The following SIL1 variants were observed in gnomAD, a reference collection of about 807,000 sequenced individuals.
The protein encoded by SIL1 is nucleotide exchange factor SIL1.
SIL1 carries 40 observed loss-of-function variants against 49.1 expected under a neutral mutation model. That is an observed-to-expected ratio of 0.81 (90% CI 0.63 to 1.06). The LOEUF (loss-of-function observed/expected upper bound fraction) is 1.06, where lower values mean the gene tolerates loss of function less well. Ranked by LOEUF, SIL1 falls within the 50% of genes least tolerant of loss-of-function variation. The pLI, the probability that SIL1 is intolerant of heterozygous loss-of-function variation, is 0.00. For synonymous variants in SIL1, 253 were observed against 250.8 expected (o/e 1.01, Z -0.08); for missense variants, 500 against 572.6 (o/e 0.87, Z 1.29).
intron 3 of SIL1, among the ~76,000 whole-genome samples, chr5:139,107,145 T>A (rs1770731924): frequency 6.6e-6 from 1 of 152,156 alleles, no homozygotes; most frequent in African/African-American, 2.4e-5. Context: ...ATCTGACCAA[T>A]TATCTGCCTA....
intron 7 of SIL1, among the ~76,000 whole-genome samples, chr5:138,978,480 G>T (rs1193924970): frequency 6.6e-6 from 1 of 152,182 alleles, no homozygotes; most frequent in Non-Finnish European, 1.5e-5. Context: ...TGGCTGTTAT[G>T]AATATTGAGG....
At chr5:139,017,958 C>T (rs190435745) in intron 7 of SIL1, among the ~76,000 whole-genome samples, 4 of 152,214 alleles carry the variant, frequency 2.6e-5, no homozygotes, top group Non-Finnish European at 5.9e-5. Flanking sequence ...AAAGAAAAAC[C>T]ATTAAAAGAC....
chr5:139,192,764 G>A (rs192466373), intron 1 of SIL1, among the ~76,000 whole-genome samples: 119 of 152,000 alleles, frequency 7.8e-4, no homozygotes, highest in Non-Finnish European at 1.2e-3. Context: ...TTGGGAGACC[G>A]AGGCAGGAGA....
chr5:139,012,084 C>T (rs1024080983), intron 7 of SIL1, among the ~76,000 whole-genome samples: 9 of 152,018 alleles, frequency 5.9e-5, no homozygotes, highest in African/African-American at 1.7e-4. Context: ...GATGGAGTCT[C>T]GCTCTGTTGC....
chr5:139,171,706 AT>A (rs1468062528), intron 1 of SIL1, among the ~76,000 whole-genome samples: 4 of 151,740 alleles, frequency 2.6e-5, no homozygotes, highest in Admixed American at 1.3e-4. Context: ...ATAAAAAAAA[AT>A]AAAAAGAAAA....
intron 5 of SIL1, among the ~76,000 whole-genome samples, chr5:139,040,136 A>G (rs1181463831): frequency 6.6e-6 from 1 of 152,218 alleles, no homozygotes; most frequent in Non-Finnish European, 1.5e-5. Flanking sequence ...AGGTTTAAAG[A>G]TTAATAAACA....
chr5:139,002,706 T>C (rs1022265087), intron 7 of SIL1, among the ~76,000 whole-genome samples: 37 of 152,196 alleles, frequency 2.4e-4, no homozygotes, highest in African/African-American at 8.7e-4. Context: ...CAAATCAACT[T>C]TGCCCCCTTT....
At chr5:139,055,548 T>G (rs1769385665) in intron 3 of SIL1, among the ~76,000 whole-genome samples, 1 of 151,842 alleles carries the variant, frequency 6.6e-6, no homozygotes, top group South Asian at 2.1e-4. Flanking sequence ...GCTTGCATGG[T>G]TGTATCATGT....
intron 5 of SIL1, among the ~76,000 whole-genome samples, chr5:139,028,699 G>A (rs1407888358): frequency 6.6e-6 from 1 of 152,020 alleles, no homozygotes; most frequent in African/African-American, 2.4e-5. Flanking sequence ...AAGGACACAG[G>A]TACCATACTG....
chr5:138,961,380 CTA>C (rs1767017015), intron 7 of SIL1, among the ~76,000 whole-genome samples: 1 of 152,214 alleles, frequency 6.6e-6, no homozygotes, highest in Non-Finnish European at 1.5e-5. Context: ...CCACTTAACT[CTA>C]TGTTTGTTTT....
rs112842948 is a variant in SIL1 at position 139,028,322 on chromosome 5, AC to A, written c.454-1331del. Among the ~76,000 whole-genome samples the A allele has an allele frequency of 5.5e-3, 843 of 152,096 alleles. 4 individuals carry two copies. Among genetic ancestry groups the A allele is most frequent in the African/African-American group, 0.02 (809 of 41,480 alleles). On this transcript the variant is annotated intron_variant, in intron 5 of 9. Coordinates refer to ENST00000394817, the MANE Select transcript of SIL1 (RefSeq NM_022464.5). ...AGACCAGCCTGACCAATATGGTGAA[AC>A]CCCATCTCTACTAAAAATACAAAAA...
At chr5:138,951,649 G>A in intron 8 of SIL1, 139 bp downstream of exon 8, 5 of 852,040 alleles carry the variant, frequency 5.9e-6, no homozygotes, top group Admixed American at 1.9e-5. Flanking sequence ...TTAGTTGAGT[G>A]TAACTTCTCC....
chr5:139,076,950 T>C (rs1176867583), intron 3 of SIL1, among the ~76,000 whole-genome samples: 4 of 152,144 alleles, frequency 2.6e-5, no homozygotes, highest in East Asian at 1.9e-4. Context: ...CTGGCCAACA[T>C]GGTAAAACCC....
At chr5:138,979,768 A>C (rs998630979) in intron 7 of SIL1, among the ~76,000 whole-genome samples, 2 of 152,198 alleles carry the variant, frequency 1.3e-5, no homozygotes, top group African/African-American at 4.8e-5. Flanking sequence ...GGCAGGGGTG[A>C]ACACAGTGAT....
At chr5:139,045,905 G>A (rs1437228030) in intron 4 of SIL1, among the ~76,000 whole-genome samples, 1 of 152,154 alleles carries the variant, frequency 6.6e-6, no homozygotes, top group Non-Finnish European at 1.5e-5. Context: ...TCTCTGTTAT[G>A]ATACCCTAGA....
intron 1 of SIL1, among the ~76,000 whole-genome samples, chr5:139,194,651 A>C (rs903749162): frequency 1.3e-5 from 2 of 152,204 alleles, no homozygotes; most frequent in African/African-American, 2.4e-5. Context: ...GCTGTGCTAC[A>C]GAGCGTGATC....
chr5:139,068,366 A>C (rs1019718420), intron 3 of SIL1, among the ~76,000 whole-genome samples: 10 of 152,218 alleles, frequency 6.6e-5, no homozygotes, highest in African/African-American at 2.4e-4. Flanking sequence ...GACAAGGACA[A>C]GAAGTCTGGG....
intron 7 of SIL1, among the ~76,000 whole-genome samples, chr5:138,983,274 C>T (rs1340760701): frequency 2.0e-5 from 3 of 148,576 alleles, no homozygotes; most frequent in Non-Finnish European, 3.0e-5. Flanking sequence ...TTTGGGAGGC[C>T]GAGGAGGGCG....
At chr5:139,061,745 A>G (rs995099722) in intron 3 of SIL1, among the ~76,000 whole-genome samples, 1 of 152,228 alleles carries the variant, frequency 6.6e-6, no homozygotes, top group African/African-American at 2.4e-5. Context: ...GGATGAAGCA[A>G]AGACAGCTTA....
Sources: allele counts gnomAD v4.1 joint callset (sites outside exome capture counted in the v4.1 genomes callset), GRCh38; gene constraint gnomAD v4.1.1; transcripts MANE v1.5; gene names NCBI Gene and HGNC (gene_info 2026-07-23, HGNC 2026-07-21).